Variants in KCNJ3 observed in about 807,000 individuals in gnomAD.
The protein encoded by KCNJ3 is G protein-activated inward rectifier potassium channel 1.
Under a neutral mutation model 39.2 loss-of-function variants are expected in KCNJ3, and 4 were observed. The observed-to-expected ratio is 0.10, with a 90% CI of 0.05 to 0.23. The LOEUF (loss-of-function observed/expected upper bound fraction) is 0.23, where lower values mean the gene tolerates loss of function less well. KCNJ3 is among the 10% of genes least tolerant of loss of function. The pLI is 1.00. For missense variants in KCNJ3, 276 were observed against 634.9 expected, an observed-to-expected ratio of 0.43 and a Z score of 6.08; for synonymous variants, 230 against 237.4, an observed-to-expected ratio of 0.97 and a Z score of 0.29.
chr2:154,709,364 G>T, intron 1 of KCNJ3: 1 of 523,384 alleles, frequency 1.9e-6, no homozygotes, highest in Non-Finnish European at 3.4e-6. Context: ...CAAAGCTCAT[G>T]AGTTAGGGAA....
chr2:154,841,360 C>G (rs1687572859), intron 2 of KCNJ3, among the ~76,000 whole-genome samples: 3 of 152,114 alleles, frequency 2.0e-5, no homozygotes, highest in African/African-American at 7.2e-5. Flanking sequence ...ATTTTCACAT[C>G]AATGTTCATC....
At chr2:154,742,843 A>G (rs1207963476) in intron 2 of KCNJ3, among the ~76,000 whole-genome samples, 2 of 151,644 alleles carry the variant, frequency 1.3e-5, no homozygotes, top group African/African-American at 4.8e-5. Context: ...CTTTATTGAT[A>G]GTGTCTTTTG....
chr2:154,739,275 C>T (rs1236697498), intron 2 of KCNJ3, among the ~76,000 whole-genome samples: 1 of 152,000 alleles, frequency 6.6e-6, no homozygotes, highest in Admixed American at 6.6e-5. Flanking sequence ...ACTGTACCAG[C>T]TTCTGAGAAA....
intron 2 of KCNJ3, among the ~76,000 whole-genome samples, chr2:154,748,414 C>T (rs748096520): frequency 4.0e-5 from 6 of 151,896 alleles, no homozygotes; most frequent in Admixed American, 6.6e-5. Context: ...CTTTAATAAA[C>T]GAAAAGTAGA....
intron 2 of KCNJ3, among the ~76,000 whole-genome samples, chr2:154,743,182 T>C (rs1016857771): frequency 6.6e-6 from 1 of 151,850 alleles, no homozygotes; most frequent in Non-Finnish European, 1.5e-5. Context: ...ACCATATACA[T>C]AAGAGTTTAT....
intron 2 of KCNJ3, among the ~76,000 whole-genome samples, chr2:154,719,758 C>T (rs369373594): frequency 1.3e-5 from 2 of 152,182 alleles, no homozygotes; most frequent in East Asian, 3.9e-4. Flanking sequence ...TATTTGAGGG[C>T]TTCCTTTTCT....
At chr2:154,835,699 C>T (rs1212936891) in intron 2 of KCNJ3, among the ~76,000 whole-genome samples, 1 of 151,960 alleles carries the variant, frequency 6.6e-6, no homozygotes, top group Non-Finnish European at 1.5e-5. Flanking sequence ...TCCTTTCTCT[C>T]TCCCTTCCTT....
intron 2 of KCNJ3, among the ~76,000 whole-genome samples, chr2:154,726,828 CACACA>C (rs1685367621): frequency 1.3e-5 from 2 of 150,198 alleles, no homozygotes; most frequent in Admixed American, 6.6e-5. Context: ...CACACACACA[CACACA>C]CATACACCAT....
intron 2 of KCNJ3, among the ~76,000 whole-genome samples, chr2:154,826,896 A>T (rs578084005): frequency 6.6e-6 from 1 of 152,306 alleles, no homozygotes; most frequent in South Asian, 2.1e-4. Flanking sequence ...CACTTCATTT[A>T]TCAGAATTTT....
intron 2 of KCNJ3, among the ~76,000 whole-genome samples, chr2:154,795,064 G>C (rs576541475): frequency 2.2e-4 from 34 of 152,060 alleles, no homozygotes; most frequent in African/African-American, 7.9e-4. Flanking sequence ...TGTTACACAG[G>C]ACATTAAGGA....
chr2:154,797,589 T>G (rs1236902618), intron 2 of KCNJ3, among the ~76,000 whole-genome samples: 1 of 152,032 alleles, frequency 6.6e-6, no homozygotes, highest in Non-Finnish European at 1.5e-5. Flanking sequence ...AAAAGATATA[T>G]GTATGTATGT....
At chr2:154,775,909 C>T (rs1449111309) in intron 2 of KCNJ3, among the ~76,000 whole-genome samples, 2 of 151,852 alleles carry the variant, frequency 1.3e-5, no homozygotes, top group Non-Finnish European at 2.9e-5. Flanking sequence ...AAATACTGAG[C>T]TTGTTTTCTT....
intron 2 of KCNJ3, among the ~76,000 whole-genome samples, chr2:154,816,594 A>T (rs1687086580): frequency 6.6e-6 from 1 of 152,218 alleles, no homozygotes; most frequent in Admixed American, 6.5e-5. Flanking sequence ...AAAGTTATAC[A>T]TATGGTGTTT....
chr2:154,782,881 A>C lies in KCNJ3; in HGVS notation c.920-71846A>C, dbSNP rs1686463153. Among the ~76,000 whole-genome samples the C allele has an allele frequency of 3.3e-5, 5 of 152,160 alleles. No homozygotes were observed. The South Asian group carries it at 1.0e-3, about 32-fold the overall frequency. The stretch of plus-strand genomic sequence containing the variant: ...CCAAGAGCTCTGAATTTAAATCCTA[A>C]AAGAGTACTTTTAGGCCAGGTGTGG... On this transcript the variant is annotated intron_variant, in intron 2 of 2. Transcript: ENST00000295101.
chr2:154,768,362 T>C (rs575825263), intron 2 of KCNJ3, among the ~76,000 whole-genome samples: 68 of 152,342 alleles, frequency 4.5e-4, no homozygotes, highest in East Asian at 3.7e-3. Flanking sequence ...TTAATTTTTG[T>C]ATAAGGTGTA....
chr2:154,777,485 T>C (rs1366957572), intron 2 of KCNJ3, among the ~76,000 whole-genome samples: 1 of 152,206 alleles, frequency 6.6e-6, no homozygotes, highest in African/African-American at 2.4e-5. Context: ...CTTCCTTTTC[T>C]ATCAAAAAAT....
In KCNJ3 at chr2:154,703,429, A is replaced by G. The variant is rs1385141931; in HGVS notation, c.702+3952A>G. Reference sequence around the variant, plus strand: ...ATAGAGTACATTCCTTTCCTCTTCTAACATCACATATGTTATTTTTGTGCT... The same window carrying G: ...ATAGAGTACATTCCTTTCCTCTTCTGACATCACATATGTTATTTTTGTGCT... On this transcript the variant is annotated intron_variant, in intron 1 of 2. Transcript: ENST00000295101. 2.0e-5 allele frequency among the ~76,000 whole-genome samples: 3 copies of G among 151,960 alleles called. No individual in the cohort carries two copies. In the South Asian group the frequency reaches 6.2e-4, roughly 32 times the overall value.
intron 2 of KCNJ3, among the ~76,000 whole-genome samples, chr2:154,776,011 T>G (rs1056978492): frequency 6.6e-6 from 1 of 151,860 alleles, no homozygotes; most frequent in African/African-American, 2.4e-5. Context: ...GATTCTTTTT[T>G]TTTTTTTGAG....
At chr2:154,796,701 T>A (rs1326867068) in intron 2 of KCNJ3, among the ~76,000 whole-genome samples, 2 of 152,140 alleles carry the variant, frequency 1.3e-5, no homozygotes, top group Non-Finnish European at 2.9e-5. Context: ...GACCTGATGT[T>A]GACAACATTT....
Sources: gnomAD v4.1 joint callset for allele counts (sites outside exome capture counted in the v4.1 genomes callset) on GRCh38, gnomAD v4.1.1 for gene constraint, MANE v1.5 for transcripts, NCBI Gene and HGNC (gene_info 2026-07-23, HGNC 2026-07-21) for gene names.